WDFY4: variants seen among roughly 807,000 people sequenced by gnomAD.
The protein encoded by WDFY4 is WD repeat- and FYVE domain-containing protein 4.
In WDFY4, 169 loss-of-function variants were observed where a neutral mutation model predicts 351.9. The observed-to-expected ratio is 0.48, with a 90% CI of 0.42 to 0.55. The LOEUF (loss-of-function observed/expected upper bound fraction) is 0.55. Among genes scored for constraint, WDFY4 ranks in the 20% least tolerant of loss-of-function variants. The pLI is 0.00. For missense variants in WDFY4, 3,803 were observed against 3,935.6 expected, an observed-to-expected ratio of 0.97 and a Z score of 0.90; for synonymous variants, 1,622 against 1,574.6, an observed-to-expected ratio of 1.03 and a Z score of -0.71.
intron 25 of WDFY4, among the ~76,000 whole-genome samples, chr10:48,803,949 T>C (rs907540300): frequency 2.0e-5 from 3 of 152,212 alleles, no homozygotes; most frequent in Non-Finnish European, 2.9e-5. Flanking sequence ...TGGCAGAAGG[T>C]GGCTCCTGGG....
chr10:48,716,795 G>C (rs1386248591), intron 2 of WDFY4, among the ~76,000 whole-genome samples: 1 of 152,218 alleles, frequency 6.6e-6, no homozygotes, highest in Non-Finnish European at 1.5e-5. Context: ...TCTTTGAGGG[G>C]TTTGTCAGTG....
intron 13 of WDFY4, among the ~76,000 whole-genome samples, chr10:48,766,589 G>A (rs2065679567): frequency 6.6e-6 from 1 of 151,952 alleles, no homozygotes; most frequent in Non-Finnish European, 1.5e-5. Flanking sequence ...GTGAGACCTT[G>A]TCTCAAAAAA....
At chr10:48,913,652 C>T (rs767039473) in intron 47 of WDFY4, 1 of 1,613,796 alleles carries the variant, frequency 6.2e-7, no homozygotes, top group Non-Finnish European at 8.5e-7. Context: ...GCTTTTTCAG[C>T]TTGGGGAGCT....
intron 24 of WDFY4, among the ~76,000 whole-genome samples, chr10:48,797,957 A>G (rs190538869): frequency 2.0e-5 from 3 of 152,300 alleles, no homozygotes; most frequent in East Asian, 3.9e-4. Flanking sequence ...GGGTCATGAG[A>G]TGATTGAAGA....
At chr10:48,707,643 G>A (rs1312340081) in intron 1 of WDFY4, among the ~76,000 whole-genome samples, 1 of 152,210 alleles carries the variant, frequency 6.6e-6, no homozygotes, top group African/African-American at 2.4e-5. Flanking sequence ...AAGACATAAT[G>A]CTGGGTGAAA....
intron 47 of WDFY4, among the ~76,000 whole-genome samples, chr10:48,925,100 T>C (rs1372770841): frequency 6.6e-6 from 1 of 152,192 alleles, no homozygotes; most frequent in Admixed American, 6.5e-5. Context: ...GTCGGTCATC[T>C]CTTAAAAGGA....
At chr10:48,930,021 C>G (rs570600376) in intron 47 of WDFY4, among the ~76,000 whole-genome samples, 1 of 152,132 alleles carries the variant, frequency 6.6e-6, no homozygotes, top group Non-Finnish European at 1.5e-5. Flanking sequence ...ATCCCCCATT[C>G]TCCTCCCCCA....
At chr10:48,963,716 G>T (rs1841960488) in intron 53 of WDFY4, 126 bp from the exon 54 acceptor site, 6 of 1,076,544 alleles carry the variant, frequency 5.6e-6, no homozygotes, top group Non-Finnish European at 8.0e-6. Context: ...CAAGCCCAGG[G>T]GCTCATCAAT....
At position 48,897,548 on chromosome 10, in the gene WDFY4, C is replaced by G. The variant is rs1185286414; in HGVS notation, c.7411C>G (p.Leu2471Val). Residue 2471 changes from leucine (L) to valine (V), a missense_variant, in exon 45 of 62, where the codon CTA becomes GTA. By Grantham distance (32) the Leu-to-Val change is conservative. This residue lies in a region of WDFY4 where 3,054 missense variants were observed against 3,148.6 expected (regional missense o/e 0.97). Transcript: ENST00000325239. ...QCHSYADMRE[L>V]RQARFLLQDI... ...CCACAGCTACGCTGACATGCGGGAG[C>G]TACGGCAGGCTCGCTTCCTCCTGCA... is the stretch of plus-strand genomic sequence containing the variant. The G allele has an allele frequency of 6.5e-7, 1 of 1,549,454 alleles. No individual in the cohort carries two copies. The highest frequency in any genetic ancestry group is 8.7e-7 in the Non-Finnish European group (1 of 1,146,978).
chr10:48,758,801 A>T (rs1454932701), intron 12 of WDFY4, among the ~76,000 whole-genome samples: 2 of 152,088 alleles, frequency 1.3e-5, no homozygotes, highest in Non-Finnish European at 2.9e-5. Context: ...TATTTGAAAA[A>T]TGTTCACTCT....
chr10:48,922,101 A>G (rs2133592735), intron 47 of WDFY4, among the ~76,000 whole-genome samples: 1 of 152,352 alleles, frequency 6.6e-6, no homozygotes, highest in Middle Eastern at 3.4e-3. Flanking sequence ...AATACTGTAC[A>G]GTAGTCCCCC....
In WDFY4 at chr10:48,786,876, G is replaced by A. The variant is rs1244616566; in HGVS notation, c.3808+6G>A. 1.3e-6 allele frequency: 2 copies of A among 1,549,324 alleles called. No homozygotes were observed. The highest frequency in any genetic ancestry group is 3.9e-5 in the Admixed American group (2 of 50,824). ...CCAAGCTGTGCATGTCCAAGGTATGGAGTGTTTTGATTTACAATGTTCTTG... is the reference window on the plus strand; with the variant it reads ...CCAAGCTGTGCATGTCCAAGGTATGAAGTGTTTTGATTTACAATGTTCTTG... On this transcript the variant is annotated splice_donor_region_variant and intron_variant, in intron 20 of 61. Transcript: ENST00000325239.
chr10:48,778,261 A>G (rs1011721911), intron 17 of WDFY4, among the ~76,000 whole-genome samples: 11 of 152,248 alleles, frequency 7.2e-5, no homozygotes, highest in African/African-American at 2.7e-4. Flanking sequence ...GGACCTGTCT[A>G]TATCGCCAAC....
chr10:48,843,619 T>A (rs571557217), intron 39 of WDFY4, among the ~76,000 whole-genome samples: 1 of 152,336 alleles, frequency 6.6e-6, no homozygotes, highest in Admixed American at 6.5e-5. Flanking sequence ...GATTTGAAAT[T>A]AATTTAGGAA....
At chr10:48,767,063 C>T (rs1346845162) in intron 13 of WDFY4, among the ~76,000 whole-genome samples, 1 of 152,206 alleles carries the variant, frequency 6.6e-6, no homozygotes, top group Non-Finnish European at 1.5e-5. Flanking sequence ...ATATGAGATA[C>T]TAAATTCCAG....
At chr10:48,800,694 CTT>C (rs2067043620) in intron 24 of WDFY4, among the ~76,000 whole-genome samples, 1 of 132,676 alleles carries the variant, frequency 7.5e-6, no homozygotes, top group Non-Finnish European at 1.6e-5. Flanking sequence ...TTCTTTCTTT[CTT>C]TCTTTCTTTC....
At chr10:48,906,013 C>T (rs1267120746) in intron 47 of WDFY4, among the ~76,000 whole-genome samples, 1 of 152,196 alleles carries the variant, frequency 6.6e-6, no homozygotes, top group Non-Finnish European at 1.5e-5. Flanking sequence ...AGTGGTGGCC[C>T]TCAGCCTTAG....
chr10:48,785,909 G>A (rs541189297), intron 19 of WDFY4, among the ~76,000 whole-genome samples: 1 of 152,220 alleles, frequency 6.6e-6, no homozygotes, highest in East Asian at 1.9e-4. Flanking sequence ...AACCTTTCTG[G>A]AATTGCATTA....
chr10:48,709,831 T>A lies in WDFY4; in HGVS notation c.99T>A (p.His33Gln). The A allele has an allele frequency of 6.4e-7, 1 of 1,551,860 alleles. No homozygotes were observed. The highest frequency in any genetic ancestry group is 2.4e-5 in the East Asian group (1 of 40,926). The change falls in exon 2 of 62, where the codon CAT becomes CAA. Residue 33 changes from histidine (H) to glutamine (Q), a missense_variant. By Grantham distance (24) the His-to-Gln change is conservative. This residue lies in a region of WDFY4 where 488 missense variants were observed against 456.8 expected (regional missense o/e 1.07). Coordinates refer to ENST00000325239, the MANE Select transcript of WDFY4 (RefSeq NM_001394531.1). ...CTGCTGTGCAGCCTGATGTCCCACA[T>A]GGAGGGCAGTCCTCCAGCCCCACAG... The part of the protein sequence containing the change: ...QLAAVQPDVP[H>Q]GGQSSSPTAL...
Sources: gnomAD v4.1 joint callset for allele counts (sites outside exome capture counted in the v4.1 genomes callset) on GRCh38, gnomAD v4.1.1 for gene constraint, gnomAD v4.1.1 regional missense constraint, MANE v1.5 for transcripts, NCBI Gene and HGNC (gene_info 2026-07-23, HGNC 2026-07-21) for gene names.